The following GNA14 variants were observed in gnomAD, a reference collection of about 807,000 sequenced individuals.
GNA14 encodes G protein subunit alpha 14.
Under a neutral mutation model 42.0 loss-of-function variants are expected in GNA14, and 50 were observed. The observed-to-expected ratio is 1.19, with a 90% CI of 0.95 to 1.51. The LOEUF is 1.51. Among genes scored for constraint, GNA14 ranks in the 40% most tolerant of loss-of-function variants. GNA14 has a pLI of 0.00. For synonymous variants in GNA14, 173 were observed against 163.1 expected (o/e 1.06, Z -0.46); for missense variants, 473 against 446.2 (o/e 1.06, Z -0.54).
intron 1 of GNA14, among the ~76,000 whole-genome samples, chr9:77,633,098 C>CA (rs1253075128): frequency 1.3e-5 from 2 of 152,160 alleles, no homozygotes; most frequent in African/African-American, 2.4e-5. Context: ...ATAGTCTCTA[C>CA]ACTCATAAAA....
intron 1 of GNA14, among the ~76,000 whole-genome samples, chr9:77,562,102 A>G (rs1360024067): frequency 6.6e-6 from 1 of 152,206 alleles, no homozygotes; most frequent in Non-Finnish European, 1.5e-5. Flanking sequence ...ACAATGGGAT[A>G]CTCAGATGGG....
At chr9:77,468,115 G>A (rs774442857) in intron 2 of GNA14, among the ~76,000 whole-genome samples, 10 of 152,266 alleles carry the variant, frequency 6.6e-5, no homozygotes, top group East Asian at 3.9e-4. Context: ...GGGGAGTGGA[G>A]AGAAGCAGCC....
At chr9:77,547,130 T>G (rs1042106923) in intron 1 of GNA14, among the ~76,000 whole-genome samples, 1 of 152,252 alleles carries the variant, frequency 6.6e-6, no homozygotes, top group Non-Finnish European at 1.5e-5. Flanking sequence ...GGGAGTTAGA[T>G]GTGTTTCTTA....
intron 1 of GNA14, among the ~76,000 whole-genome samples, chr9:77,624,500 C>T (rs1399456346): frequency 6.6e-6 from 1 of 152,162 alleles, no homozygotes; most frequent in Non-Finnish European, 1.5e-5. Context: ...CGGGGGTCGA[C>T]AGACACCTCA....
At chr9:77,623,073 G>T (rs1823954145) in intron 1 of GNA14, among the ~76,000 whole-genome samples, 1 of 151,026 alleles carries the variant, frequency 6.6e-6, no homozygotes, top group Non-Finnish European at 1.5e-5. Flanking sequence ...AAATTAGCCA[G>T]GTGTGGTGGC....
At chr9:77,482,778 T>G (rs1836579789) in intron 2 of GNA14, among the ~76,000 whole-genome samples, 2 of 152,184 alleles carry the variant, frequency 1.3e-5, no homozygotes, top group African/African-American at 4.8e-5. Context: ...TTCTCTAAAC[T>G]TCTCTTCTTG....
At position 77,631,956 on chromosome 9, in the gene GNA14, G is replaced by A. The variant is rs148825383; in HGVS notation, c.124+15714C>T. 7.2e-3 allele frequency among the ~76,000 whole-genome samples: 1,101 copies of A among 152,180 alleles called. 8 individuals are homozygous for A. The highest frequency in any genetic ancestry group is 7.4e-3 in the Non-Finnish European group (506 of 68,010). On this transcript the variant is annotated intron_variant, in intron 1 of 6. Transcript: ENST00000341700. The stretch of plus-strand genomic sequence containing the variant: ...AAGCTGCCTGGGTGCTGCAGCAGCC[G>A]CCCAAACTGCAGCTGCAGACCCAGG...
At position 77,424,130 on chromosome 9, in the gene GNA14, A is replaced by G. The variant is rs772433312; in HGVS notation, c.917T>C (p.Leu306Pro). ...QDVRAARDFI[L>P]KLYQDQNPDK... Reference sequence around the variant, plus strand: ...AGGATTCTGATCTTGGTAAAGCTTCAGGATAAAGTCTCTGGCAGCTCTGAC... The same window carrying G: ...AGGATTCTGATCTTGGTAAAGCTTCGGGATAAAGTCTCTGGCAGCTCTGAC... The change falls in exon 7 of 7, where the codon CTG becomes CCG. Residue 306 changes from leucine (L) to proline (P), a missense_variant. Leu to Pro is a moderately conservative substitution (Grantham distance 98). Transcript: ENST00000341700. The G allele has an allele frequency of 1.4e-5, 22 of 1,612,722 alleles. No homozygotes were observed. In the South Asian group the frequency reaches 1.7e-4, roughly 12 times the overall value.
intron 1 of GNA14, among the ~76,000 whole-genome samples, chr9:77,639,956 TCCTC>T (rs1009041950): frequency 2.0e-5 from 3 of 152,238 alleles, no homozygotes; most frequent in Non-Finnish European, 4.4e-5. Context: ...TATATTTTCT[TCCTC>T]TAACAGTAGT....
At chr9:77,602,292 T>C (rs1328503661) in intron 1 of GNA14, among the ~76,000 whole-genome samples, 2 of 152,238 alleles carry the variant, frequency 1.3e-5, no homozygotes, top group African/African-American at 2.4e-5. Flanking sequence ...AGAGGTGAAT[T>C]CTCTGAAACT....
At chr9:77,558,926 A>C (rs111315822) in intron 1 of GNA14, among the ~76,000 whole-genome samples, 6,452 of 88,342 alleles carry the variant, frequency 0.073, 136 homozygotes, top group African/African-American at 0.15. Context: ...AAAAAACAAA[A>C]AACAAAAAAA....
At chr9:77,481,644 T>G (rs541507313) in intron 2 of GNA14, among the ~76,000 whole-genome samples, 1 of 152,272 alleles carries the variant, frequency 6.6e-6, no homozygotes, top group East Asian at 1.9e-4. Flanking sequence ...ATGTTGACAG[T>G]GGGGTGTTAA....
intron 3 of GNA14, among the ~76,000 whole-genome samples, chr9:77,433,426 A>T (rs1835589841): frequency 6.6e-6 from 1 of 151,950 alleles, no homozygotes; most frequent in Non-Finnish European, 1.5e-5. Flanking sequence ...TCACTCTGTC[A>T]CTCAGGCTGT....
intron 3 of GNA14, chr9:77,431,672 C>T: frequency 2.2e-6 from 1 of 451,816 alleles, no homozygotes; most frequent in Admixed American, 3.4e-5. Flanking sequence ...CCTTCTGGGA[C>T]ATCTGCAGAG....
intron 2 of GNA14, among the ~76,000 whole-genome samples, chr9:77,455,805 G>A (rs962966806): frequency 6.6e-6 from 1 of 152,138 alleles, no homozygotes; most frequent in Non-Finnish European, 1.5e-5. Context: ...TAGCTAGTGG[G>A]AAGCTCAGAA....
chr9:77,548,761 T>G (rs1837753767), intron 1 of GNA14, among the ~76,000 whole-genome samples: 1 of 152,172 alleles, frequency 6.6e-6, no homozygotes, highest in Admixed American at 6.5e-5. Flanking sequence ...ACCAAGTTGT[T>G]TGATTAGGAG....
chr9:77,588,012 TC>T (rs1364776760), intron 1 of GNA14, among the ~76,000 whole-genome samples: 34 of 152,134 alleles, frequency 2.2e-4, no homozygotes, highest in African/African-American at 7.7e-4. Flanking sequence ...AGCAGTGACT[TC>T]AAATTCCTGT....
At chr9:77,480,446 G>C (rs62571535) in intron 2 of GNA14, among the ~76,000 whole-genome samples, 24,437 of 152,040 alleles carry the variant, frequency 0.16, 2,462 homozygotes, top group East Asian at 0.38. Context: ...TGCTGGATTC[G>C]GTTTGCCAGT....
chr9:77,503,233 C>T (rs900099263), intron 2 of GNA14, among the ~76,000 whole-genome samples: 1 of 152,160 alleles, frequency 6.6e-6, no homozygotes, highest in Non-Finnish European at 1.5e-5. Context: ...TAGGACATGA[C>T]CTGTTCTGAA....
Sources: gnomAD v4.1 joint callset for allele counts (sites outside exome capture counted in the v4.1 genomes callset) on GRCh38, gnomAD v4.1.1 for gene constraint, MANE v1.5 for transcripts, NCBI Gene and HGNC (gene_info 2026-07-23, HGNC 2026-07-21) for gene names.